Variants in KIAA1958 observed in about 807,000 individuals in gnomAD.
The protein encoded by KIAA1958 is KIAA1958, also known as uncharacterized protein KIAA1958.
KIAA1958 carries 14 observed loss-of-function variants against 47.2 expected under a neutral mutation model. The observed-to-expected ratio is 0.30, with a 90% CI of 0.20 to 0.46. The LOEUF is 0.46. KIAA1958 is among the 20% of genes least tolerant of loss of function. The pLI, the probability that KIAA1958 is intolerant of heterozygous loss-of-function variation, is 1.00. For synonymous variants in KIAA1958, 354 were observed against 353.3 expected (o/e 1.00, Z -0.02); for missense variants, 803 against 909.2 (o/e 0.88, Z 1.50).
intron 3 of KIAA1958, among the ~76,000 whole-genome samples, chr9:112,647,562 A>G (rs1482748951): frequency 1.3e-5 from 2 of 152,272 alleles, no homozygotes; most frequent in Non-Finnish European, 2.9e-5. Flanking sequence ...GAAGGCCTTT[A>G]GATAGCAGAT....
chr9:112,516,792 T>G lies in KIAA1958; in HGVS notation c.-25+29674T>G, dbSNP rs376209300. On this transcript the variant is annotated intron_variant, in intron 1 of 3. Transcript: ENST00000337530. Reference sequence around the variant, plus strand: ...TAGACAAATTAAATTTAACAGAATTTAATTGATTAAAGAATGATTTACCAA... The same window carrying G: ...TAGACAAATTAAATTTAACAGAATTGAATTGATTAAAGAATGATTTACCAA... 1.1e-3 allele frequency among the ~76,000 whole-genome samples: 166 copies of G among 152,346 alleles called. 5 individuals carry two copies. The South Asian group carries it at 0.033, about 30-fold the overall frequency.
At chr9:112,572,688 C>G (rs1331282633) in intron 1 of KIAA1958, among the ~76,000 whole-genome samples, 1 of 152,120 alleles carries the variant, frequency 6.6e-6, no homozygotes, top group Admixed American at 6.5e-5. Context: ...CATATCAAGC[C>G]AAAGAATCAG....
chr9:112,587,831 T>C (rs968294123), intron 2 of KIAA1958, among the ~76,000 whole-genome samples: 2 of 152,216 alleles, frequency 1.3e-5, no homozygotes, highest in Admixed American at 1.3e-4. Context: ...TTGTTTTCAA[T>C]TCTTCCAAAA....
intron 2 of KIAA1958, chr9:112,617,769 T>C: frequency 1.1e-6 from 1 of 911,446 alleles, no homozygotes; most frequent in Non-Finnish European, 1.6e-6. Flanking sequence ...TGATTCCTCC[T>C]TTCCCTTGTC....
At chr9:112,493,308 G>A (rs987097906) in intron 1 of KIAA1958, among the ~76,000 whole-genome samples, 1 of 151,916 alleles carries the variant, frequency 6.6e-6, no homozygotes, top group African/African-American at 2.4e-5. Context: ...GTCCTACTAC[G>A]ACTGGATATA....
chr9:112,632,359 TTTAA>T (rs940988474), intron 2 of KIAA1958, among the ~76,000 whole-genome samples: 5 of 150,520 alleles, frequency 3.3e-5, no homozygotes, highest in Admixed American at 6.6e-5. Context: ...TGCACAATTA[TTTAA>T]TTATTCATCT....
intron 1 of KIAA1958, among the ~76,000 whole-genome samples, chr9:112,537,646 A>G (rs1271505512): frequency 6.6e-6 from 1 of 152,226 alleles, no homozygotes. Context: ...ATGATATGCA[A>G]GGTTGACAAA....
At chr9:112,613,080 A>C (rs1002405969) in intron 2 of KIAA1958, among the ~76,000 whole-genome samples, 1 of 152,198 alleles carries the variant, frequency 6.6e-6, no homozygotes, top group Non-Finnish European at 1.5e-5. Flanking sequence ...AAACTTGAAA[A>C]TTATATATAA....
intron 1 of KIAA1958, among the ~76,000 whole-genome samples, chr9:112,573,237 A>G (rs1220034547): frequency 6.6e-6 from 1 of 152,164 alleles, no homozygotes; most frequent in Non-Finnish European, 1.5e-5. Flanking sequence ...GCTTGGCTTT[A>G]TGAGACCCTC....
intron 2 of KIAA1958, among the ~76,000 whole-genome samples, chr9:112,588,721 A>G (rs770796972): frequency 2.6e-5 from 4 of 152,038 alleles, no homozygotes; most frequent in Non-Finnish European, 5.9e-5. Flanking sequence ...GAGATTCCCA[A>G]GCTGGTTTCC....
intron 1 of KIAA1958, among the ~76,000 whole-genome samples, chr9:112,550,756 G>A (rs914006019): frequency 7.2e-5 from 11 of 152,118 alleles, no homozygotes; most frequent in Non-Finnish European, 1.3e-4. Context: ...AGGTGTCCAG[G>A]GTTTTTATTT....
chr9:112,515,894 T>TAAAAAAAAAAAAAAAAA (rs58492221), intron 1 of KIAA1958, among the ~76,000 whole-genome samples: 9 of 97,112 alleles, frequency 9.3e-5, no homozygotes, highest in Non-Finnish European at 1.4e-4. Context: ...AAAAATAAAT[T>TAAAAAAAAAAAAAAAAA]AAAAAAAAAA....
chr9:112,626,259 AACTC>A (rs1352417420), intron 2 of KIAA1958, among the ~76,000 whole-genome samples: 1 of 152,216 alleles, frequency 6.6e-6, no homozygotes, highest in African/African-American at 2.4e-5. Context: ...TCTGAAAAGG[AACTC>A]AAGCATAAAT....
intron 1 of KIAA1958, among the ~76,000 whole-genome samples, chr9:112,518,225 A>C (rs1834471789): frequency 6.6e-6 from 1 of 152,248 alleles, no homozygotes; most frequent in Non-Finnish European, 1.5e-5. Context: ...CTAATTAAAA[A>C]AAGAAAAAGG....
chr9:112,519,092 G>C (rs189910830), intron 1 of KIAA1958, among the ~76,000 whole-genome samples: 3,241 of 152,058 alleles, frequency 0.021, 99 homozygotes, highest in Non-Finnish European at 0.026. Flanking sequence ...ACCATGCCTA[G>C]CTAATTTTTA....
At chr9:112,547,303 A>G (rs9695922) in intron 1 of KIAA1958, among the ~76,000 whole-genome samples, 142,027 of 148,804 alleles carry the variant, frequency 0.95, 67,847 homozygotes, top group African/African-American at 0.99. Context: ...ACTTGAATCC[A>G]AGAGATGGAG....
intron 2 of KIAA1958, among the ~76,000 whole-genome samples, chr9:112,614,599 G>A (rs1836379856): frequency 6.6e-6 from 1 of 152,138 alleles, no homozygotes; most frequent in Non-Finnish European, 1.5e-5. Flanking sequence ...TCTTACTCAT[G>A]TAAAATCAAT....
At chr9:112,638,675 A>T (rs998803910) in intron 2 of KIAA1958, among the ~76,000 whole-genome samples, 1 of 152,160 alleles carries the variant, frequency 6.6e-6, no homozygotes, top group South Asian at 2.1e-4. Flanking sequence ...CAATATTTTT[A>T]AAATATTGCT....
chr9:112,500,301 A>G (rs1196294942), intron 1 of KIAA1958, among the ~76,000 whole-genome samples: 1 of 152,036 alleles, frequency 6.6e-6, no homozygotes, highest in African/African-American at 2.4e-5. Flanking sequence ...GGGTTTCGCC[A>G]TGTTGGCCAG....
Sources: allele counts gnomAD v4.1 joint callset (sites outside exome capture counted in the v4.1 genomes callset), GRCh38; gene constraint gnomAD v4.1.1; transcripts MANE v1.5; gene names NCBI Gene and HGNC (gene_info 2026-07-23, HGNC 2026-07-21).